RBMS3: variants seen among roughly 807,000 people sequenced by gnomAD.
RBMS3 encodes RNA-binding motif, single-stranded-interacting protein 3.
A neutral mutation model predicts 66.8 loss-of-function variants in RBMS3; 27 were observed. The observed-to-expected ratio is 0.40, with a 90% CI of 0.30 to 0.56. RBMS3 has a LOEUF of 0.56. Among genes scored for constraint, RBMS3 ranks in the 20% least tolerant of loss-of-function variants. The probability of loss-of-function intolerance (pLI) is 0.40; values close to 1 mark genes in which losing one functional copy is unlikely to be tolerated. For synonymous variants in RBMS3, 188 were observed against 183.0 expected, an observed-to-expected ratio of 1.03 and a Z score of -0.22; for missense variants, 513 against 549.5, an observed-to-expected ratio of 0.93 and a Z score of 0.66.
intron 3 of RBMS3, among the ~76,000 whole-genome samples, chr3:29,558,299 CA>C (rs1483423399): frequency 6.6e-6 from 1 of 150,480 alleles, no homozygotes; most frequent in Non-Finnish European, 1.5e-5. Context: ...ATTAAAGATG[CA>C]ATTGAAGAAA....
intron 4 of RBMS3, among the ~76,000 whole-genome samples, chr3:29,706,008 C>A (rs979431197): frequency 6.6e-6 from 1 of 152,178 alleles, no homozygotes; most frequent in Non-Finnish European, 1.5e-5. Flanking sequence ...CTGTGGCTGT[C>A]ATTCACATCA....
chr3:29,287,374 T>G (rs1222991659), intron 1 of RBMS3, among the ~76,000 whole-genome samples: 1 of 152,136 alleles, frequency 6.6e-6, no homozygotes, highest in East Asian at 1.9e-4. Context: ...ATTATAAATT[T>G]TTTTTTACTA....
chr3:29,728,363 T>C (rs554354865), intron 4 of RBMS3, among the ~76,000 whole-genome samples: 1 of 152,286 alleles, frequency 6.6e-6, no homozygotes, highest in East Asian at 1.9e-4. Context: ...TCCCAGAACT[T>C]AAAATAACAT....
chr3:29,387,019 G>C (rs9830413), intron 1 of RBMS3, among the ~76,000 whole-genome samples: 23 of 151,976 alleles, frequency 1.5e-4, no homozygotes, highest in African/African-American at 5.6e-4. Context: ...ATTGCTTACC[G>C]GTTACCCCTT....
At chr3:29,802,868 T>A (rs2149445519) in intron 6 of RBMS3, among the ~76,000 whole-genome samples, 1 of 152,292 alleles carries the variant, frequency 6.6e-6, no homozygotes, top group East Asian at 1.9e-4. Flanking sequence ...TTCATACATT[T>A]TATCCTTATT....
chr3:29,307,849 T>C (rs149997731), intron 1 of RBMS3, among the ~76,000 whole-genome samples: 104 of 152,020 alleles, frequency 6.8e-4, no homozygotes, highest in African/African-American at 2.4e-3. Flanking sequence ...ATCAACTTGA[T>C]TTATAAACAA....
intron 2 of RBMS3, among the ~76,000 whole-genome samples, chr3:29,436,626 A>G (rs1039841741): frequency 1.3e-5 from 2 of 152,218 alleles, no homozygotes; most frequent in Non-Finnish European, 2.9e-5. Flanking sequence ...TTATGATAGA[A>G]GGTTCAGGTG....
intron 4 of RBMS3, among the ~76,000 whole-genome samples, chr3:29,722,032 G>A (rs530809135): frequency 5.9e-5 from 9 of 152,198 alleles, no homozygotes; most frequent in South Asian, 4.1e-4. Context: ...GCTGAATTTC[G>A]TGTTTGGTAT....
chr3:29,966,282 G>A (rs1199420160), intron 12 of RBMS3, among the ~76,000 whole-genome samples: 1 of 152,070 alleles, frequency 6.6e-6, no homozygotes, highest in Non-Finnish European at 1.5e-5. Flanking sequence ...GGATTTTGTG[G>A]AATTTGAATA....
chr3:29,366,565 T>A (rs899505999), intron 1 of RBMS3, among the ~76,000 whole-genome samples: 1 of 151,534 alleles, frequency 6.6e-6, no homozygotes, highest in Non-Finnish European at 1.5e-5. Context: ...TTTTTTTTTT[T>A]GTAAAGACAT....
intron 4 of RBMS3, among the ~76,000 whole-genome samples, chr3:29,718,374 T>G (rs1162522060): frequency 6.6e-6 from 1 of 152,010 alleles, no homozygotes; most frequent in African/African-American, 2.4e-5. Context: ...TTTTAGTGCA[T>G]TAAGTTTATT....
chr3:29,818,353 G>A (rs1223819715), intron 6 of RBMS3, among the ~76,000 whole-genome samples: 1 of 150,402 alleles, frequency 6.6e-6, no homozygotes, highest in Non-Finnish European at 1.5e-5. Flanking sequence ...TTTCAAAACT[G>A]TGAGACGATG....
intron 1 of RBMS3, among the ~76,000 whole-genome samples, chr3:29,296,342 G>C (rs2033260891): frequency 6.6e-6 from 1 of 151,720 alleles, no homozygotes; most frequent in Non-Finnish European, 1.5e-5. Flanking sequence ...TTGGAAATCA[G>C]AATTTTTATT....
At chr3:29,811,829 T>C (rs187915506) in intron 6 of RBMS3, among the ~76,000 whole-genome samples, 1 of 152,272 alleles carries the variant, frequency 6.6e-6, no homozygotes, top group Non-Finnish European at 1.5e-5. Flanking sequence ...ACTTCCTGCA[T>C]TGATTTGGAG....
At chr3:29,600,200 A>G (rs1000045064) in intron 4 of RBMS3, among the ~76,000 whole-genome samples, 1 of 152,092 alleles carries the variant, frequency 6.6e-6, no homozygotes, top group African/African-American at 2.4e-5. Flanking sequence ...TCAAAGGTGC[A>G]GAATGCCAAT....
At chr3:29,712,453 C>T (rs959243990) in intron 4 of RBMS3, among the ~76,000 whole-genome samples, 2 of 152,038 alleles carry the variant, frequency 1.3e-5, no homozygotes, top group African/African-American at 2.4e-5. Flanking sequence ...GCTCGGGCTA[C>T]GAATGCATGC....
At chr3:29,945,240 C>T (rs1345858691) in intron 12 of RBMS3, among the ~76,000 whole-genome samples, 9 of 151,656 alleles carry the variant, frequency 5.9e-5, no homozygotes, top group Non-Finnish European at 5.9e-5. Flanking sequence ...AATCTGTCAA[C>T]CTGCTGGTGG....
intron 1 of RBMS3, among the ~76,000 whole-genome samples, chr3:29,400,935 A>AT (rs143512547): frequency 0.014 from 2,079 of 152,220 alleles, 23 homozygotes; most frequent in Middle Eastern, 0.058. Flanking sequence ...GAATAAAAGA[A>AT]TATTGAGGTA....
chr3:29,288,004 T>A (rs1361084032), intron 1 of RBMS3, among the ~76,000 whole-genome samples: 2 of 151,996 alleles, frequency 1.3e-5, no homozygotes, highest in East Asian at 1.9e-4. Flanking sequence ...ACTCAGGGAG[T>A]ATGTATTATG....
Sources: allele counts gnomAD v4.1 joint callset (sites outside exome capture counted in the v4.1 genomes callset), GRCh38; gene constraint gnomAD v4.1.1; transcripts MANE v1.5; gene names NCBI Gene and HGNC (gene_info 2026-07-23, HGNC 2026-07-21).